SLC4A7: variants seen among roughly 807,000 people sequenced by gnomAD.
SLC4A7 encodes sodium bicarbonate cotransporter 3.
Under a neutral mutation model 137.6 loss-of-function variants are expected in SLC4A7, and 51 were observed. That is an observed-to-expected ratio of 0.37 (90% CI 0.30 to 0.47). SLC4A7 has a LOEUF of 0.47. SLC4A7 is among the 20% of genes least tolerant of loss of function. SLC4A7 has a pLI of 1.00. For missense variants in SLC4A7, 1,247 were observed against 1,525.4 expected (o/e 0.82, Z 3.04); for synonymous variants, 542 against 518.6 (o/e 1.05, Z -0.61).
At chr3:27,418,438 T>A (rs751122743) in intron 11 of SLC4A7, 48 bp downstream of exon 11, 15 of 1,511,338 alleles carry the variant, frequency 9.9e-6, no homozygotes, top group South Asian at 2.5e-5. Flanking sequence ...TCAAAAAAAA[T>A]TTTATTAAAA....
At chr3:27,404,661 G>A (rs954146254) in intron 14 of SLC4A7, among the ~76,000 whole-genome samples, 169 bp downstream of exon 14, 2 of 152,130 alleles carry the variant, frequency 1.3e-5, no homozygotes, top group African/African-American at 4.8e-5. Flanking sequence ...CCAAGTTACT[G>A]GATTAAGAAT....
rs779832214 is a variant in SLC4A7, at chr3:27,456,723, G to C, written c.61-4225C>G. 3 of 1,605,718 alleles carry C rather than the reference G, an allele frequency of 1.9e-6. No individual in the cohort carries two copies. The East Asian group carries it at 6.7e-5, about 36-fold the overall frequency. On this transcript the variant is annotated intron_variant, in intron 1 of 25. Transcript: ENST00000454389. ...GCCTTGTTTCTGATGATGTAATGCA[G>C]TAACTCCCTTGAAGATTCCAGGGAC...
intron 1 of SLC4A7, among the ~76,000 whole-genome samples, chr3:27,461,631 TA>T (rs1369648608): frequency 1.2e-4 from 15 of 128,446 alleles, no homozygotes; most frequent in Non-Finnish European, 2.0e-4. Context: ...AAAGAATAAA[TA>T]AAAAGGAAAA....
chr3:27,450,271 C>T (rs7647238), intron 2 of SLC4A7, among the ~76,000 whole-genome samples: 2 of 152,068 alleles, frequency 1.3e-5, no homozygotes, highest in African/African-American at 4.8e-5. Flanking sequence ...GGAATTAAAT[C>T]TCAACTACTA....
At chr3:27,467,365 A>G (rs2059052688) in intron 1 of SLC4A7, among the ~76,000 whole-genome samples, 1 of 152,212 alleles carries the variant, frequency 6.6e-6, no homozygotes, top group South Asian at 2.1e-4. Flanking sequence ...TGGAATTCTA[A>G]GTAAAACATA....
At chr3:27,412,303 A>C (rs764444645) in intron 11 of SLC4A7, among the ~76,000 whole-genome samples, 2 of 152,192 alleles carry the variant, frequency 1.3e-5, no homozygotes, top group Non-Finnish European at 2.9e-5. Flanking sequence ...CCCTCTGTTA[A>C]AGACAAAGAA....
chr3:27,420,866 T>G (rs1241076399), intron 9 of SLC4A7, 79 bp from the exon 10 acceptor site: 2 of 944,854 alleles, frequency 2.1e-6, no homozygotes, highest in East Asian at 5.1e-5. Context: ...AAAGAAACCA[T>G]TCAAATATAA....
At chr3:27,424,205 C>T (rs1282910926) in intron 7 of SLC4A7, 53 bp from the exon 8 acceptor site, 3 of 855,056 alleles carry the variant, frequency 3.5e-6, no homozygotes, top group Non-Finnish European at 3.8e-6. Context: ...ACTTTGCAAC[C>T]TGATTCTGCT....
chr3:27,422,618 T>C (rs994932332), intron 8 of SLC4A7, among the ~76,000 whole-genome samples: 3 of 152,212 alleles, frequency 2.0e-5, no homozygotes, highest in African/African-American at 7.2e-5. Context: ...GGCACAGATA[T>C]ATGATAATGC....
intron 20 of SLC4A7, among the ~76,000 whole-genome samples, chr3:27,392,036 G>T (rs542527615): frequency 2.6e-5 from 4 of 152,252 alleles, no homozygotes; most frequent in African/African-American, 9.6e-5. Context: ...TTAAGATCAG[G>T]AGTACTGCAG....
At chr3:27,395,164 C>A (rs374261508) in intron 18 of SLC4A7, 49 bp from the exon 19 acceptor site, 1 of 1,371,250 alleles carries the variant, frequency 7.3e-7, no homozygotes. Context: ...TGCTGTATTG[C>A]ACTAAATTTC....
chr3:27,442,182 G>A (rs1234768041), intron 3 of SLC4A7, among the ~76,000 whole-genome samples: 1 of 152,040 alleles, frequency 6.6e-6, no homozygotes, highest in Non-Finnish European at 1.5e-5. Flanking sequence ...CACCACTCCT[G>A]GCATTGATTG....
chr3:27,378,538 G>T (rs1051306151), intron 25 of SLC4A7, among the ~76,000 whole-genome samples: 13 of 152,152 alleles, frequency 8.5e-5, no homozygotes, highest in African/African-American at 2.7e-4. Context: ...TTCTTGAAGT[G>T]AGAACAAAAG....
At position 27,484,198 on chromosome 3, in the gene SLC4A7, C is replaced by T. The variant is rs571135529; in HGVS notation, c.-72G>A. On this transcript the variant is annotated 5_prime_UTR_variant, in exon 1 of 26. Transcript: ENST00000454389. ...GGTCTGCCTGCTTCTGCCGCTGCCC[C>T]TGCCGCCGCCGCCGAGCCCCCGGCG... The T allele has an allele frequency of 0.015, 17,752 of 1,177,990 alleles. 162 individuals carry two copies. The highest frequency in any genetic ancestry group is 0.019 in the South Asian group (537 of 28,658). 73.0% of individuals were successfully genotyped at this position (1,177,990 alleles called of 1,614,324 possible).
intron 8 of SLC4A7, 66 bp downstream of exon 8, chr3:27,423,971 C>A: frequency 1.0e-6 from 1 of 960,618 alleles, no homozygotes; most frequent in Non-Finnish European, 1.6e-6. Flanking sequence ...TAATATTAGC[C>A]ACAAATTACT....
At chr3:27,415,320 C>T (rs1413488147) in intron 11 of SLC4A7, among the ~76,000 whole-genome samples, 1 of 152,176 alleles carries the variant, frequency 6.6e-6, no homozygotes, top group Non-Finnish European at 1.5e-5. Flanking sequence ...GGCTCTCATC[C>T]AGGCCTTCTC....
At chr3:27,411,809 C>A (rs1300236851) in intron 11 of SLC4A7, 61 bp from the exon 12 acceptor site, 3 of 751,198 alleles carry the variant, frequency 4.0e-6, no homozygotes, top group Middle Eastern at 2.6e-4. Flanking sequence ...GAGATGGCAT[C>A]TTCAATTAGA....
At chr3:27,450,193 T>C (rs2057974070) in intron 2 of SLC4A7, among the ~76,000 whole-genome samples, 1 of 152,128 alleles carries the variant, frequency 6.6e-6, no homozygotes, top group Admixed American at 6.5e-5. Context: ...CAAAACATAC[T>C]GAACTATTTG....
intron 22 of SLC4A7, among the ~76,000 whole-genome samples, chr3:27,389,133 T>C (rs1003530730): frequency 3.3e-5 from 5 of 152,154 alleles, no homozygotes; most frequent in Admixed American, 6.5e-5. Flanking sequence ...TGAAGTCTTC[T>C]TGAATAATAA....
Sources: allele counts gnomAD v4.1 joint callset (sites outside exome capture counted in the v4.1 genomes callset), GRCh38; gene constraint gnomAD v4.1.1; transcripts MANE v1.5; gene names NCBI Gene and HGNC (gene_info 2026-07-23, HGNC 2026-07-21).